DOCK2: variants seen among roughly 807,000 people sequenced by gnomAD.
The protein encoded by DOCK2 is dedicator of cytokinesis 2, also known as dedicator of cytokinesis protein 2.
Under a neutral mutation model 248.9 loss-of-function variants are expected in DOCK2, and 87 were observed. The observed-to-expected ratio is 0.35, with a 90% confidence interval of 0.29 to 0.42. The LOEUF is 0.42. Ranked by LOEUF, DOCK2 falls within the 10% of genes least tolerant of loss-of-function variation. The pLI is 1.00. For synonymous variants in DOCK2, 805 were observed against 821.6 expected (o/e 0.98, Z 0.35); for missense variants, 1,747 against 2,300.2 (o/e 0.76, Z 4.92).
chr5:169,814,109 T>A (rs1767918787), intron 26 of DOCK2, among the ~76,000 whole-genome samples: 1 of 152,192 alleles, frequency 6.6e-6, no homozygotes, highest in Non-Finnish European at 1.5e-5. Context: ...TCTCAAAGTG[T>A]CTTCCCAAAG....
At chr5:170,032,628 T>C (rs1180361142) in intron 34 of DOCK2, among the ~76,000 whole-genome samples, 2 of 152,180 alleles carry the variant, frequency 1.3e-5, no homozygotes, top group Non-Finnish European at 2.9e-5. Flanking sequence ...GAAGTGACTG[T>C]CCCAGGAGGA....
At chr5:169,827,036 G>A (rs1024767899) in intron 26 of DOCK2, among the ~76,000 whole-genome samples, 1 of 152,136 alleles carries the variant, frequency 6.6e-6, no homozygotes, top group East Asian at 1.9e-4. Context: ...GTACCACTCC[G>A]TATTGAAATT....
At chr5:169,821,746 A>C (rs1768461062) in intron 26 of DOCK2, among the ~76,000 whole-genome samples, 1 of 152,246 alleles carries the variant, frequency 6.6e-6, no homozygotes. Context: ...TCATAATGAC[A>C]GGATTAAATT....
chr5:169,743,905 A>G (rs1235101803), intron 22 of DOCK2, among the ~76,000 whole-genome samples: 1 of 148,610 alleles, frequency 6.7e-6, no homozygotes, highest in Non-Finnish European at 1.5e-5. Context: ...ACTTATATTT[A>G]AATTATAAAT....
Position 169,903,012 on chromosome 5 carries a change from C to T in DOCK2, c.2799+62160C>T, listed in dbSNP as rs545469520. Among the ~76,000 whole-genome samples, 24 of 151,972 alleles carry T rather than the reference C, an allele frequency of 1.6e-4. 1 individual carries two copies. The highest frequency in any genetic ancestry group is 3.9e-4 in the African/African-American group (16 of 41,454). ...ACTCGGGAGGCTGAGGCAGGAGAAT[C>T]GCTTGAACAAAGGAGGTGGAGGTTG... is the stretch of plus-strand genomic sequence containing the variant. On this transcript the variant is annotated intron_variant, in intron 27 of 51. Transcript: ENST00000520908.
intron 27 of DOCK2, among the ~76,000 whole-genome samples, chr5:169,914,916 T>C (rs1774792484): frequency 6.6e-6 from 1 of 152,260 alleles, no homozygotes; most frequent in African/African-American, 2.4e-5. Context: ...TCCTGTGCAT[T>C]GCTGTGGCCT....
chr5:169,808,435 G>C (rs1287627229), intron 26 of DOCK2, among the ~76,000 whole-genome samples: 1 of 141,318 alleles, frequency 7.1e-6, no homozygotes, highest in Non-Finnish European at 1.5e-5. Context: ...TAGGACTCAG[G>C]GGGAGATGTC....
At chr5:169,640,897 G>T (rs1231907063) in intron 1 of DOCK2, among the ~76,000 whole-genome samples, 1 of 152,174 alleles carries the variant, frequency 6.6e-6, no homozygotes, top group Non-Finnish European at 1.5e-5. Context: ...AACCTGTTCT[G>T]TATGCAGCTT....
intron 27 of DOCK2, among the ~76,000 whole-genome samples, chr5:169,950,318 A>G (rs1776607035): frequency 6.6e-6 from 1 of 152,222 alleles, no homozygotes; most frequent in Admixed American, 6.5e-5. Context: ...GGGTTGTTTT[A>G]GGATTAAGAG....
intron 27 of DOCK2, among the ~76,000 whole-genome samples, chr5:169,919,508 A>G (rs951567108): frequency 6.6e-6 from 1 of 152,188 alleles, no homozygotes; most frequent in Non-Finnish European, 1.5e-5. Flanking sequence ...TCTGAAGTCT[A>G]CCATCTGGTT....
At chr5:170,082,751 C>T in intron 51 of DOCK2, 45 bp from the exon 52 acceptor site, 1 of 1,612,428 alleles carries the variant, frequency 6.2e-7, no homozygotes, top group Non-Finnish European at 8.5e-7. Flanking sequence ...GGTGCTTAAT[C>T]TGATAATCGC....
At position 169,930,773 on chromosome 5, in the gene DOCK2, C is replaced by G. The variant is rs3912298; in HGVS notation, c.2800-52295C>G. On this transcript the variant is annotated intron_variant, in intron 27 of 51. Transcript: ENST00000520908. ...GGTGGAAGGCACTGTGGGTGAGCCT[C>G]CATTTCCAGGTTGTTGAGAAACCAT... Among the ~76,000 whole-genome samples the G allele has an allele frequency of 5.4e-3, 821 of 152,276 alleles. 35 individuals carry two copies. The East Asian group carries it at 0.1, about 19-fold the overall frequency.
At chr5:169,746,410 T>G (rs943166017) in intron 22 of DOCK2, among the ~76,000 whole-genome samples, 34 of 152,262 alleles carry the variant, frequency 2.2e-4, no homozygotes, top group African/African-American at 8.2e-4. Flanking sequence ...AACAAACCTG[T>G]TAAGTGTGTC....
intron 15 of DOCK2, among the ~76,000 whole-genome samples, chr5:169,710,544 C>A (rs1303328877): frequency 5.3e-5 from 8 of 152,132 alleles, no homozygotes; most frequent in Admixed American, 4.6e-4. Flanking sequence ...AAAGGAATAA[C>A]CTGCATTGGA....
intron 1 of DOCK2, among the ~76,000 whole-genome samples, chr5:169,646,780 A>G (rs1757496486): frequency 1.3e-5 from 2 of 152,248 alleles, no homozygotes; most frequent in Admixed American, 1.3e-4. Flanking sequence ...AAATGTGCTT[A>G]TTTTACTCTG....
At chr5:170,012,893 T>G (rs916561819) in intron 32 of DOCK2, among the ~76,000 whole-genome samples, 2 of 152,022 alleles carry the variant, frequency 1.3e-5, no homozygotes, top group African/African-American at 4.8e-5. Flanking sequence ...CGGCCTCCCA[T>G]GTAGGGAGGT....
At chr5:170,070,055 G>A (rs1757628077) in intron 46 of DOCK2, among the ~76,000 whole-genome samples, 2 of 152,142 alleles carry the variant, frequency 1.3e-5, no homozygotes, top group South Asian at 4.1e-4. Flanking sequence ...TCTCATAGAG[G>A]CTTACACAGG....
intron 27 of DOCK2, chr5:169,841,345 T>C (rs2113336787): frequency 1.0e-6 from 1 of 988,080 alleles, no homozygotes; most frequent in African/African-American, 1.7e-5. Flanking sequence ...CAGTATGTTC[T>C]GAAGATCAGG....
At chr5:170,056,098 G>A (rs1757118712) in intron 42 of DOCK2, among the ~76,000 whole-genome samples, 3 of 152,220 alleles carry the variant, frequency 2.0e-5, no homozygotes, top group Non-Finnish European at 4.4e-5. Flanking sequence ...GGACCCTTCA[G>A]GGAGAGGCAG....
Sources: gnomAD v4.1 joint callset for allele counts (sites outside exome capture counted in the v4.1 genomes callset) on GRCh38, gnomAD v4.1.1 for gene constraint, MANE v1.5 for transcripts, NCBI Gene and HGNC (gene_info 2026-07-23, HGNC 2026-07-21) for gene names.